The following SYN3 variants were observed in gnomAD, a reference collection of about 807,000 sequenced individuals.
SYN3 encodes the protein synapsin III, also known as synapsin-3.
In SYN3, 35 loss-of-function variants were observed where a neutral mutation model predicts 65.8. The ratio of observed to expected loss-of-function variants is 0.53; its 90% confidence interval spans 0.41 to 0.70. SYN3 has a LOEUF of 0.70. Among genes scored for constraint, SYN3 ranks in the 30% least tolerant of loss-of-function variants. SYN3 has a pLI of 0.00. For synonymous variants in SYN3, 270 were observed against 292.9 expected, an observed-to-expected ratio of 0.92 and a Z score of 0.80; for missense variants, 680 against 749.0, an observed-to-expected ratio of 0.91 and a Z score of 1.08.
At chr22:32,914,376 T>C (rs1345541645) in intron 4 of SYN3, among the ~76,000 whole-genome samples, 1 of 152,150 alleles carries the variant, frequency 6.6e-6, no homozygotes, top group Admixed American at 6.5e-5. Context: ...GTTATTTGGC[T>C]ACTCTGTGAC....
At chr22:32,833,505 G>A (rs1401429159) in intron 6 of SYN3, among the ~76,000 whole-genome samples, 2 of 152,180 alleles carry the variant, frequency 1.3e-5, no homozygotes, top group Non-Finnish European at 2.9e-5. Context: ...TTAACCTTGG[G>A]ATGGGACTGT....
chr22:32,675,650 G>T (rs1015344896), intron 6 of SYN3, among the ~76,000 whole-genome samples: 2 of 152,194 alleles, frequency 1.3e-5, no homozygotes, highest in Non-Finnish European at 2.9e-5. Context: ...GGGGAAGGAA[G>T]TTACTATGGA....
At chr22:32,847,417 C>G (rs1204087611) in intron 6 of SYN3, among the ~76,000 whole-genome samples, 1 of 152,170 alleles carries the variant, frequency 6.6e-6, no homozygotes, top group Non-Finnish European at 1.5e-5. Context: ...TTTGAGCTGC[C>G]TCCGCTAAAT....
At chr22:32,550,006 T>C (rs1264721880) in intron 7 of SYN3, among the ~76,000 whole-genome samples, 1 of 152,214 alleles carries the variant, frequency 6.6e-6, no homozygotes, top group East Asian at 1.9e-4. Context: ...TATATCTTGT[T>C]TTTATAATTT....
intron 6 of SYN3, among the ~76,000 whole-genome samples, chr22:32,646,624 C>T (rs2090234102): frequency 2.0e-5 from 3 of 152,086 alleles, no homozygotes; most frequent in South Asian, 2.1e-4. Context: ...GCAAATACAG[C>T]GTTATGGGAG....
intron 6 of SYN3, among the ~76,000 whole-genome samples, chr22:32,650,707 G>A (rs2060057475): frequency 6.6e-6 from 1 of 152,160 alleles, no homozygotes; most frequent in South Asian, 2.1e-4. Flanking sequence ...GCTGGTCAGA[G>A]GCAGGGTTGG....
chr22:32,885,618 T>C (rs542970823), intron 4 of SYN3, among the ~76,000 whole-genome samples: 1 of 152,154 alleles, frequency 6.6e-6, no homozygotes, highest in South Asian at 2.1e-4. Context: ...TGGAATGCAG[T>C]GGCACGATCT....
intron 13 of SYN3, among the ~76,000 whole-genome samples, chr22:32,517,545 CT>C (rs151187441): frequency 4.6e-5 from 7 of 151,148 alleles, no homozygotes; most frequent in Non-Finnish European, 1.0e-4. Flanking sequence ...AAAGCTAAGA[CT>C]TTTTTTTTAG....
chr22:33,056,356 G>A (rs1312775168), intron 1 of SYN3, among the ~76,000 whole-genome samples: 5 of 152,148 alleles, frequency 3.3e-5, no homozygotes, highest in Non-Finnish European at 5.9e-5. Flanking sequence ...AGTGGATACC[G>A]TGGGGAAATG....
At chr22:32,925,763 C>G (rs1356696081) in intron 4 of SYN3, among the ~76,000 whole-genome samples, 1 of 152,010 alleles carries the variant, frequency 6.6e-6, no homozygotes, top group African/African-American at 2.4e-5. Context: ...TCAGAGATTC[C>G]AGTGCAATAC....
chr22:32,864,793 A>G lies in SYN3; in HGVS notation c.711+122T>C, dbSNP rs565384368. On this transcript the variant is annotated intron_variant, in intron 6 of 13. Transcript: ENST00000358763. ...CCACAGGACACTGTGACTCCGCCTT[A>G]GAGTCTGCGTGGTCAGTGTACAACC... 4.5e-5 allele frequency: 39 copies of G among 868,722 alleles called. No individual in the cohort carries two copies. In the African/African-American group the frequency reaches 6.3e-4, roughly 14 times the overall value. The allele number at this position is 868,722 out of a possible 1,614,324, so 53.8% of individuals were successfully genotyped here.
chr22:32,909,701 T>C (rs1169851411), intron 4 of SYN3, among the ~76,000 whole-genome samples: 5 of 137,728 alleles, frequency 3.6e-5, no homozygotes, highest in Non-Finnish European at 7.6e-5. Context: ...CCAAACACTG[T>C]TGGTTTAGCA....
At chr22:32,651,774 C>T (rs1323782433) in intron 6 of SYN3, among the ~76,000 whole-genome samples, 1 of 152,188 alleles carries the variant, frequency 6.6e-6, no homozygotes, top group East Asian at 1.9e-4. Flanking sequence ...CTCAGATTTA[C>T]ATTAGGGGAT....
intron 1 of SYN3, among the ~76,000 whole-genome samples, chr22:33,025,234 T>C (rs2053620965): frequency 6.7e-6 from 1 of 150,308 alleles, no homozygotes; most frequent in Non-Finnish European, 1.5e-5. Context: ...AGACGGGTGG[T>C]CATGAGGTCA....
At chr22:32,557,123 G>C (rs1414153699) in intron 7 of SYN3, among the ~76,000 whole-genome samples, 1 of 152,140 alleles carries the variant, frequency 6.6e-6, no homozygotes, top group Non-Finnish European at 1.5e-5. Context: ...ATTTAGAATA[G>C]TCCTTAAACA....
At chr22:32,518,367 AT>A (rs756564550) in intron 12 of SYN3, 33 bp from the exon 13 acceptor site, 6 of 1,608,962 alleles carry the variant, frequency 3.7e-6, no homozygotes, top group South Asian at 2.2e-5. Context: ...GTTCAGTTCA[AT>A]TTTTTTTCTT....
chr22:32,841,590 G>T (rs996305965), intron 6 of SYN3, among the ~76,000 whole-genome samples: 1 of 151,962 alleles, frequency 6.6e-6, no homozygotes. Flanking sequence ...GTTTTATTAG[G>T]CTTGCAGGTA....
At chr22:32,739,173 CA>C (rs112691023) in intron 6 of SYN3, among the ~76,000 whole-genome samples, 2,214 of 128,410 alleles carry the variant, frequency 0.017, 48 homozygotes, top group African/African-American at 0.044. Flanking sequence ...AATTGAATCA[CA>C]GGGGGGGGGC....
chr22:32,689,243 A>T (rs2060632148), intron 6 of SYN3, among the ~76,000 whole-genome samples: 1 of 152,182 alleles, frequency 6.6e-6, no homozygotes, highest in East Asian at 1.9e-4. Flanking sequence ...GCATGTCAGA[A>T]TGAGTGGAAA....
Sources: gnomAD v4.1 joint callset for allele counts (sites outside exome capture counted in the v4.1 genomes callset) on GRCh38, gnomAD v4.1.1 for gene constraint, MANE v1.5 for transcripts, NCBI Gene and HGNC (gene_info 2026-07-23, HGNC 2026-07-21) for gene names.